The following ANAPC7 variants were observed in gnomAD, a reference collection of about 807,000 sequenced individuals.
ANAPC7 encodes the protein anaphase-promoting complex subunit 7.
Under a neutral mutation model 63.3 loss-of-function variants are expected in ANAPC7, and 25 were observed. The ratio of observed to expected loss-of-function variants is 0.39; its 90% CI spans 0.29 to 0.55. The LOEUF (loss-of-function observed/expected upper bound fraction) is 0.55. Ranked by LOEUF, ANAPC7 falls within the 20% of genes least tolerant of loss-of-function variation. The pLI, the probability that ANAPC7 is intolerant of heterozygous loss-of-function variation, is 0.57. For synonymous variants in ANAPC7, 241 were observed against 251.7 expected, an observed-to-expected ratio of 0.96 and a Z score of 0.40; for missense variants, 516 against 691.7, an observed-to-expected ratio of 0.75 and a Z score of 2.85.
chr12:110,393,496 G>A (rs1207648812), intron 3 of ANAPC7, among the ~76,000 whole-genome samples: 1 of 152,106 alleles, frequency 6.6e-6, no homozygotes, highest in Non-Finnish European at 1.5e-5. Context: ...GGGAGGCTAA[G>A]GGGGGAGGAC....
intron 8 of ANAPC7, among the ~76,000 whole-genome samples, chr12:110,379,580 G>A (rs926524564): frequency 1.3e-5 from 2 of 152,160 alleles, no homozygotes; most frequent in Non-Finnish European, 2.9e-5. Flanking sequence ...TGAAATCAAT[G>A]GTTGGTTTGC....
intron 3 of ANAPC7, among the ~76,000 whole-genome samples, chr12:110,389,197 G>A (rs539894119): frequency 6.6e-6 from 1 of 151,882 alleles, no homozygotes; most frequent in South Asian, 2.1e-4. Context: ...AGTAATATCT[G>A]AACAAAAGAC....
At position 110,403,685 on chromosome 12, in the gene ANAPC7, G is replaced by T; in HGVS notation, c.-58C>A. ...GCACTGACTCGAAAAGCCGGTAGAG[G>T]ATCCTTAGGGAAGACTCCAAAATGG... is the stretch of plus-strand genomic sequence containing the variant. On this transcript the variant is annotated 5_prime_UTR_variant, in exon 1 of 11. Transcript: ENST00000455511. 6 of 1,553,842 alleles carry T rather than the reference G, an allele frequency of 3.9e-6. No individual in the cohort carries two copies. The highest frequency in any genetic ancestry group is 1.2e-5 in the South Asian group (1 of 84,378).
chr12:110,389,410 T>C lies in ANAPC7; in HGVS notation c.409-787A>G, dbSNP rs146462528. Reference sequence around the variant, plus strand: ...CAGAAAGACAGATAAAGAAGTATAATACTTGGCTTTTCTTTGACAATTCGA... The same window carrying C: ...CAGAAAGACAGATAAAGAAGTATAACACTTGGCTTTTCTTTGACAATTCGA... On this transcript the variant is annotated intron_variant, in intron 3 of 10. Transcript: ENST00000455511. Among the ~76,000 whole-genome samples, 708 of 152,298 alleles carry C rather than the reference T, an allele frequency of 4.6e-3. 4 individuals carry two copies. Among genetic ancestry groups the C allele is most frequent in the African/African-American group, 0.017 (689 of 41,566 alleles).
At chr12:110,401,061 A>G (rs1454308969) in intron 1 of ANAPC7, among the ~76,000 whole-genome samples, 1 of 152,188 alleles carries the variant, frequency 6.6e-6, no homozygotes, top group Non-Finnish European at 1.5e-5. Context: ...AAAGCAAAAC[A>G]AAACAAAACA....
chr12:110,399,831 C>T (rs916343672), intron 1 of ANAPC7, among the ~76,000 whole-genome samples: 1 of 148,408 alleles, frequency 6.7e-6, no homozygotes, highest in Non-Finnish European at 1.5e-5. Flanking sequence ...CGCGGTGGCT[C>T]ACGCCTGTAA....
At chr12:110,394,484 C>A (rs1162293158) in intron 3 of ANAPC7, among the ~76,000 whole-genome samples, 1 of 151,520 alleles carries the variant, frequency 6.6e-6, no homozygotes, top group Non-Finnish European at 1.5e-5. Flanking sequence ...AAAAAATTAG[C>A]CTGGCGTGGT....
intron 7 of ANAPC7, among the ~76,000 whole-genome samples, chr12:110,382,441 TAAAAAAAAAAAA>T (rs137996217): frequency 1.9e-5 from 1 of 53,066 alleles, no homozygotes; most frequent in African/African-American, 7.7e-5. Flanking sequence ...ATTATCCTTT[TAAAAAAAAAAAA>T]AAAAAAAAAT....
At chr12:110,396,743 G>C (rs1015691658) in intron 1 of ANAPC7, among the ~76,000 whole-genome samples, 1 of 151,002 alleles carries the variant, frequency 6.6e-6, no homozygotes. Context: ...TCAAACTCCC[G>C]ACCTCAAGTG....
intron 5 of ANAPC7, 186 bp from the exon 6 acceptor site, chr12:110,386,655 AT>A: frequency 1.8e-6 from 1 of 543,180 alleles, no homozygotes; most frequent in East Asian, 3.2e-5. Context: ...AAAACAAAGA[AT>A]AAAGCAGAAG....
At chr12:110,381,159 G>C (rs547686264) in intron 8 of ANAPC7, among the ~76,000 whole-genome samples, 1 of 151,960 alleles carries the variant, frequency 6.6e-6, no homozygotes, top group East Asian at 1.9e-4. Flanking sequence ...TCCAGTGAAA[G>C]CCCTAAATAA....
rs577118118 is a variant in ANAPC7 at position 110,382,273 on chromosome 12, CACTGATG to C, written c.936-332_936-326del. ...ACAAAGGAGCATCTTCTGGCCCCAT[CACTGATG>C]GCTCAGTACTAAGCACAATGCATTC... On this transcript the variant is annotated intron_variant, in intron 7 of 10. Transcript: ENST00000455511. Among the ~76,000 whole-genome samples the C allele has an allele frequency of 5.1e-4, 77 of 150,944 alleles. 3 individuals are homozygous for C. The East Asian group carries it at 0.013, about 26-fold the overall frequency.
chr12:110,382,783 A>G, intron 7 of ANAPC7, 60 bp downstream of exon 7: 1 of 1,387,618 alleles, frequency 7.2e-7, no homozygotes. Flanking sequence ...TCTCTTCAAG[A>G]GCAACCATTA....
At chr12:110,382,441 TAAA>T (rs137996217) in intron 7 of ANAPC7, among the ~76,000 whole-genome samples, 1,044 of 52,832 alleles carry the variant, frequency 0.02, 29 homozygotes, top group South Asian at 0.028. Context: ...ATTATCCTTT[TAAA>T]AAAAAAAAAA....
At chr12:110,400,931 T>C (rs1302135924) in intron 1 of ANAPC7, among the ~76,000 whole-genome samples, 1 of 150,634 alleles carries the variant, frequency 6.6e-6, no homozygotes, top group African/African-American at 2.4e-5. Context: ...GAATCTGTAA[T>C]CCCTGCTACT....
At chr12:110,396,181 C>A (rs545904343) in intron 2 of ANAPC7, 85 bp downstream of exon 2, 3 of 1,243,182 alleles carry the variant, frequency 2.4e-6, no homozygotes, top group African/African-American at 1.5e-5. Context: ...ACAGACCAGG[C>A]ACTGGGGCCT....
In ANAPC7 at chr12:110,403,617, A is replaced by G. The variant is rs757387660; in HGVS notation, c.11T>C (p.Ile4Thr). The G allele has an allele frequency of 3.7e-6, 6 of 1,604,614 alleles. No individual in the cohort carries two copies. Among genetic ancestry groups the G allele is most frequent in the Admixed American group, 3.4e-5 (2 of 58,342 alleles). Residue 4 changes from isoleucine to threonine, a missense_variant, in exon 1 of 11, where the codon ATA becomes ACA. This residue lies in a region of ANAPC7 where 185 missense variants were observed against 200.3 expected (regional missense o/e 0.92). Coordinates refer to ENST00000455511, the MANE Select transcript of ANAPC7 (RefSeq NM_016238.3). MNV[I>T]DHVRDMAAAG... is the part of the protein sequence containing the mutation. ...GGCCGCCATGTCCCGCACGTGGTCT[A>G]TCACATTCATCCTGCTCTGCAAAGC...
intron 5 of ANAPC7, chr12:110,387,299 G>GAGAGAGAC (rs1882618304): frequency 3.1e-5 from 4 of 130,242 alleles, no homozygotes; most frequent in Admixed American, 7.6e-5. Context: ...GAGAGAGAGA[G>GAGAGAGAC]AGAGAGAGAG....
chr12:110,384,133 C>T (rs1882228135), intron 6 of ANAPC7, among the ~76,000 whole-genome samples: 1 of 151,742 alleles, frequency 6.6e-6, no homozygotes, highest in East Asian at 1.9e-4. Context: ...ACTCAGAGGG[C>T]GGATGTTGCA....
Sources: gnomAD v4.1 joint callset for allele counts (sites outside exome capture counted in the v4.1 genomes callset) on GRCh38, gnomAD v4.1.1 for gene constraint, gnomAD v4.1.1 regional missense constraint, MANE v1.5 for transcripts, NCBI Gene and HGNC (gene_info 2026-07-23, HGNC 2026-07-21) for gene names.